The following TBCE variants were observed in gnomAD, a reference collection of about 807,000 sequenced individuals.
TBCE encodes the protein tubulin-specific chaperone E.
A neutral mutation model predicts 77.0 loss-of-function variants in TBCE; 53 were observed. The ratio of observed to expected loss-of-function variants is 0.69; its 90% CI spans 0.55 to 0.87. The LOEUF (loss-of-function observed/expected upper bound fraction) is 0.87. Ranked by LOEUF, TBCE falls within the 40% of genes least tolerant of loss-of-function variation. The pLI is 0.00. For synonymous variants in TBCE, 235 were observed against 241.3 expected (o/e 0.97, Z 0.24); for missense variants, 624 against 622.4 (o/e 1.00, Z -0.03).
chr1:235,441,245 A>C (rs1383309367), intron 13 of TBCE: 2 of 155,554 alleles, frequency 1.3e-5, no homozygotes, highest in Admixed American at 6.3e-5. Context: ...AGAGCAGGAA[A>C]AAAGTACTGC....
At chr1:235,415,128 C>T (rs749206120) in intron 4 of TBCE, 11 of 187,156 alleles carry the variant, frequency 5.9e-5, no homozygotes, top group African/African-American at 9.4e-5. Context: ...GGGATATGGG[C>T]TCTAATGCAT....
At chr1:235,386,405 G>T (rs1055048169) in intron 2 of TBCE, among the ~76,000 whole-genome samples, 2 of 152,180 alleles carry the variant, frequency 1.3e-5, no homozygotes, top group African/African-American at 4.8e-5. Context: ...TTCCAACTTG[G>T]TTCCATTCTC....
intron 1 of TBCE, among the ~76,000 whole-genome samples, chr1:235,379,455 G>A (rs1677483087): frequency 6.6e-6 from 1 of 151,920 alleles, no homozygotes; most frequent in African/African-American, 2.4e-5. Context: ...TTGAACCAGG[G>A]AGGTGGAGGT....
At position 235,450,235 on chromosome 1, in the gene TBCE, C is replaced by G; in HGVS notation, c.*1473C>G. 1.2e-6 allele frequency: 2 copies of G among 1,614,122 alleles called. No individual in the cohort carries two copies. The highest frequency in any genetic ancestry group is 1.7e-6 in the Non-Finnish European group (2 of 1,180,012). ...CTTGCTTGACATCGACAAGGATCAC[C>G]GCACCGTTCCTTCAGTTTCCACAGT... On this transcript the variant is annotated 3_prime_UTR_variant, in exon 17 of 17. Coordinates refer to ENST00000642610, the MANE Select transcript of TBCE (RefSeq NM_003193.5).
intron 5 of TBCE, among the ~76,000 whole-genome samples, chr1:235,423,122 G>A (rs1680494341): frequency 6.6e-6 from 1 of 152,170 alleles, no homozygotes; most frequent in Admixed American, 6.6e-5. Context: ...GGGTTGGTCT[G>A]TCTTTGAGGT....
intron 5 of TBCE, among the ~76,000 whole-genome samples, chr1:235,421,474 G>A (rs757634327): frequency 3.1e-4 from 47 of 152,168 alleles, no homozygotes; most frequent in Admixed American, 1.2e-3. Flanking sequence ...TTGGGAGGCC[G>A]AGGTGGGCGG....
intron 6 of TBCE, chr1:235,430,439 G>A: frequency 2.9e-6 from 1 of 346,942 alleles, no homozygotes; most frequent in Middle Eastern, 9.3e-4. Flanking sequence ...GGTTTAGGAA[G>A]CCTACAGCCG....
Position 235,450,009 on chromosome 1 carries a change from T to G in TBCE, c.*1247T>G, listed in dbSNP as rs536145758. On this transcript the variant is annotated 3_prime_UTR_variant, in exon 17 of 17. Transcript: ENST00000642610. ...AATAGATAAATAAAAACTTTTCTTATGCTACAGTACAAGTTGATTTTTAAG... is the reference window on the plus strand; with the variant it reads ...AATAGATAAATAAAAACTTTTCTTAGGCTACAGTACAAGTTGATTTTTAAG... The G allele has an allele frequency of 1.5e-3, 710 of 472,472 alleles. 5 individuals carry two copies. The highest frequency in any genetic ancestry group is 0.013 in the African/African-American group (649 of 50,806). The allele number at this position is 472,472 out of a possible 1,614,324, so 29.3% of individuals were successfully genotyped here. A position where few individuals can be genotyped will look rare whatever the true frequency, so the allele number is the denominator to read the frequency against.
At chr1:235,386,479 T>C (rs1678012381) in intron 2 of TBCE, among the ~76,000 whole-genome samples, 1 of 152,224 alleles carries the variant, frequency 6.6e-6, no homozygotes, top group African/African-American at 2.4e-5. Context: ...CCCATATTTC[T>C]TGGAGGCTTT....
intron 15 of TBCE, among the ~76,000 whole-genome samples, chr1:235,445,158 A>G (rs1682159781): frequency 6.6e-6 from 1 of 152,258 alleles, no homozygotes; most frequent in African/African-American, 2.4e-5. Context: ...CCTATATTCT[A>G]TAAATTCAGC....
chr1:235,434,302 G>GGGGAT (rs759479170), intron 8 of TBCE, 22 bp downstream of exon 8: 1 of 1,577,198 alleles, frequency 6.3e-7, no homozygotes, highest in Admixed American at 1.7e-5. Flanking sequence ...TTACTTAAAT[G>GGGGAT]CATCTATCCC....
chr1:235,434,044 C>T (rs1681267481), intron 7 of TBCE, 160 bp from the exon 8 acceptor site: 14 of 727,074 alleles, frequency 1.9e-5, no homozygotes, highest in Non-Finnish European at 3.0e-5. Flanking sequence ...TTATCACCCC[C>T]CACCACTATT....
At chr1:235,369,930 TCTC>T (rs1277245144) in intron 1 of TBCE, among the ~76,000 whole-genome samples, 1 of 152,108 alleles carries the variant, frequency 6.6e-6, no homozygotes, top group South Asian at 2.1e-4. Flanking sequence ...GTCGTTCTCA[TCTC>T]CTGTTTGCTC....
chr1:235,388,304 T>C (rs1273723868), intron 2 of TBCE, among the ~76,000 whole-genome samples: 1 of 149,578 alleles, frequency 6.7e-6, no homozygotes, highest in Non-Finnish European at 1.5e-5. Context: ...TTTTTTTTTT[T>C]TGAGATGGAG....
At chr1:235,400,353 G>A (rs557838960) in intron 2 of TBCE, among the ~76,000 whole-genome samples, 1 of 149,446 alleles carries the variant, frequency 6.7e-6, no homozygotes, top group African/African-American at 2.5e-5. Context: ...CTTTTTCCTT[G>A]AAGACTACCT....
intron 8 of TBCE, among the ~76,000 whole-genome samples, chr1:235,435,357 TC>T (rs1304264770): frequency 6.6e-6 from 1 of 152,176 alleles, no homozygotes; most frequent in Non-Finnish European, 1.5e-5. Context: ...CGCCTCGGCC[TC>T]CCGAAGTGCT....
chr1:235,439,335 C>CAA (rs564864054), intron 13 of TBCE, among the ~76,000 whole-genome samples: 69,942 of 140,714 alleles, frequency 0.5, 17,578 homozygotes, highest in East Asian at 0.65. Flanking sequence ...ACTAAAAATA[C>CAA]AAAAAAAAAA....
chr1:235,410,545 C>A (rs1037329178), intron 3 of TBCE, among the ~76,000 whole-genome samples: 5 of 152,160 alleles, frequency 3.3e-5, no homozygotes, highest in Non-Finnish European at 5.9e-5. Flanking sequence ...GTTTCATCAG[C>A]AAGGTCTTTA....
At chr1:235,381,919 T>C (rs940605624) in intron 2 of TBCE, among the ~76,000 whole-genome samples, 2 of 146,496 alleles carry the variant, frequency 1.4e-5, no homozygotes, top group African/African-American at 2.5e-5. Context: ...ACCCATTAAC[T>C]CGTCATTTAG....
Sources: allele counts gnomAD v4.1 joint callset (sites outside exome capture counted in the v4.1 genomes callset), GRCh38; gene constraint gnomAD v4.1.1; transcripts MANE v1.5; gene names NCBI Gene and HGNC (gene_info 2026-07-23, HGNC 2026-07-21).